ADSS1: variants seen among roughly 807,000 people sequenced by gnomAD.
The protein encoded by ADSS1 is adenylosuccinate synthetase isozyme 1.
In ADSS1, 57 loss-of-function variants were observed where a neutral mutation model predicts 59.1. That is an observed-to-expected ratio of 0.97 (90% CI 0.78 to 1.20). The LOEUF is 1.20. Among genes scored for constraint, ADSS1 ranks in the 50% most tolerant of loss-of-function variants. The pLI, the probability that ADSS1 is intolerant of heterozygous loss-of-function variation, is 0.00. For synonymous variants in ADSS1, 247 were observed against 249.4 expected (o/e 0.99, Z 0.09); for missense variants, 603 against 610.3 (o/e 0.99, Z 0.13).
In ADSS1 at chr14:104,746,216, C is replaced by T. The variant is rs1352909978; in HGVS notation, c.1172-20C>T. The stretch of plus-strand genomic sequence containing the variant: ...TAGGAGGTCTGTGGGCCCCACTCAT[C>T]TCCTGTGTGCTTCCCCCAGCTAACC... On this transcript the variant is annotated intron_variant, in intron 11 of 12. Transcript: ENST00000330877. 1.9e-6 allele frequency: 3 copies of T among 1,594,026 alleles called. No individual in the cohort carries two copies. Among genetic ancestry groups the T allele is most frequent in the South Asian group, 1.1e-5 (1 of 89,906 alleles).
At chr14:104,727,115 C>G (rs1385287115) in intron 1 of ADSS1, among the ~76,000 whole-genome samples, 2 of 152,176 alleles carry the variant, frequency 1.3e-5, no homozygotes, top group African/African-American at 2.4e-5. Context: ...CAGAGGTGAT[C>G]TGGGGCTGCC....
At chr14:104,727,851 G>A (rs1311077094) in intron 1 of ADSS1, among the ~76,000 whole-genome samples, 1 of 152,216 alleles carries the variant, frequency 6.6e-6, no homozygotes, top group Non-Finnish European at 1.5e-5. Context: ...CCCTGGTCAG[G>A]GTTTAGAATC....
In ADSS1 at chr14:104,739,826, C is replaced by T; in HGVS notation, c.476+10C>T. 6.2e-7 allele frequency: 1 copy of T among 1,613,600 alleles called. No homozygotes were observed. Among genetic ancestry groups the T allele is most frequent in the Non-Finnish European group, 8.5e-7 (1 of 1,179,906 alleles). On this transcript the variant is annotated intron_variant, in intron 5 of 12. Transcript: ENST00000330877. ...CACAAGAGGGGAAGAAGTAAGTCTG[C>T]CGGGACACTCTCACCCTCGGGGAGT...
At chr14:104,746,596 T>A (rs1295215114) in intron 12 of ADSS1, among the ~76,000 whole-genome samples, 2 of 152,198 alleles carry the variant, frequency 1.3e-5, no homozygotes, top group African/African-American at 4.8e-5. Context: ...CCCCTGCCTC[T>A]CCGCATCCAG....
chr14:104,742,952 C>G, intron 9 of ADSS1, 115 bp from the exon 10 acceptor site: 1 of 1,481,414 alleles, frequency 6.8e-7, no homozygotes, highest in South Asian at 1.2e-5. Context: ...TCGGTGGAGG[C>G]GGGGCACCCT....
At chr14:104,727,007 C>G (rs193246726) in intron 1 of ADSS1, among the ~76,000 whole-genome samples, 76 of 152,324 alleles carry the variant, frequency 5.0e-4, no homozygotes, top group African/African-American at 1.4e-3. Flanking sequence ...CCAGCAGAGC[C>G]ATCACTTCGA....
At chr14:104,731,285 G>A (rs1264063814) in intron 1 of ADSS1, among the ~76,000 whole-genome samples, 3 of 152,198 alleles carry the variant, frequency 2.0e-5, no homozygotes, top group Non-Finnish European at 2.9e-5. Flanking sequence ...GTGGCATGAT[G>A]TGGCCCTGCA....
In ADSS1 at chr14:104,747,191, T is replaced by C. The variant is rs766095519; in HGVS notation, c.*188T>C. The C allele has an allele frequency of 2.9e-5, 15 of 522,348 alleles. No homozygotes were observed. The highest frequency in any genetic ancestry group is 2.1e-4 in the African/African-American group (11 of 52,440). The allele number at this position is 522,348 out of a possible 1,614,324, so 32.4% of individuals were successfully genotyped here. On this transcript the variant is annotated 3_prime_UTR_variant, in exon 13 of 13. Coordinates refer to ENST00000330877, the MANE Select transcript of ADSS1 (RefSeq NM_152328.5). ...CATTGGAAAGCCAGCCTTGTGTATA[T>C]TTTTAAAAATTATATTCAAAATGAG...
Position 104,724,282 on chromosome 14 carries a change from C to T in ADSS1, c.12C>T (p.Thr4=), listed in dbSNP as rs745830815. The change falls in exon 1 of 13, where the codon ACC becomes ACT. Residue 4 remains threonine (T), a synonymous_variant. Transcript: ENST00000330877. MSG[T]RASNDRPPGA... is the part of the protein sequence containing the mutation. ...AGAGCCAAGCCAGCATGTCGGGGAC[C>T]CGAGCCTCCAACGACCGGCCCCCCG... 1.6e-6 allele frequency: 2 copies of T among 1,230,600 alleles called. No individual in the cohort carries two copies. The highest frequency in any genetic ancestry group is 4.1e-5 in the South Asian group (1 of 24,486). The allele number at this position is 1,230,600 out of a possible 1,614,324, so 76.2% of individuals were successfully genotyped here. A position where few individuals can be genotyped will look rare whatever the true frequency, so the allele number is the denominator to read the frequency against.
chr14:104,734,145 G>A (rs1891032222), intron 1 of ADSS1, among the ~76,000 whole-genome samples: 1 of 152,222 alleles, frequency 6.6e-6, no homozygotes, highest in Admixed American at 6.5e-5. Context: ...GGGGCCTCCT[G>A]CCTGCACGTA....
intron 12 of ADSS1, 118 bp from the exon 13 acceptor site, chr14:104,746,833 G>A (rs1426895228): frequency 1.9e-6 from 2 of 1,047,006 alleles, no homozygotes; most frequent in Non-Finnish European, 2.9e-6. Flanking sequence ...CCTCCATTTG[G>A]AGAGAAAATA....
intron 1 of ADSS1, among the ~76,000 whole-genome samples, chr14:104,728,743 C>T (rs1474307646): frequency 1.3e-5 from 2 of 152,220 alleles, no homozygotes; most frequent in Non-Finnish European, 2.9e-5. Flanking sequence ...TGCCACTCTG[C>T]TGCCTTCACT....
At chr14:104,743,309 C>A in intron 10 of ADSS1, 118 bp downstream of exon 10, 1 of 1,456,276 alleles carries the variant, frequency 6.9e-7, no homozygotes, top group Non-Finnish European at 9.4e-7. Context: ...ACAAGGTTTC[C>A]ACTGATCTCG....
intron 1 of ADSS1, 37 bp downstream of exon 1, chr14:104,724,499 C>T: frequency 8.9e-7 from 1 of 1,119,316 alleles, no homozygotes; most frequent in African/African-American, 1.6e-5. Context: ...CCCCACCGCC[C>T]AGCGAGCCCC....
chr14:104,741,426 G>A (rs563791945), intron 8 of ADSS1, among the ~76,000 whole-genome samples, 183 bp downstream of exon 8: 2 of 152,310 alleles, frequency 1.3e-5, no homozygotes, highest in African/African-American at 4.8e-5. Context: ...AGCAAGGGAG[G>A]GGAGAGGAGA....
At chr14:104,735,368 G>A (rs938767711) in intron 2 of ADSS1, among the ~76,000 whole-genome samples, 1 of 151,924 alleles carries the variant, frequency 6.6e-6, no homozygotes, top group Non-Finnish European at 1.5e-5. Flanking sequence ...CACATCCACC[G>A]CGCAGGAGCG....
chr14:104,731,795 C>G (rs1890941564), intron 1 of ADSS1, among the ~76,000 whole-genome samples: 1 of 152,184 alleles, frequency 6.6e-6, no homozygotes, highest in Non-Finnish European at 1.5e-5. Flanking sequence ...TGCGGCTGCC[C>G]TGGGGGCTCG....
Position 104,743,129 on chromosome 14 carries a change from G to A in ADSS1, c.1011G>A (p.Arg337=). The change falls in exon 10 of 13, where the codon AGG becomes AGA. Residue 337 remains arginine, a synonymous_variant. Transcript: ENST00000330877. The part of the protein sequence containing the change: ...HEWGVTTGRK[R]RCGWLDLMIL... ...GGGGAGTGACCACAGGCAGGAAGAG[G>A]CGCTGCGGCTGGCTCGACCTGATGA... 5 of 1,613,032 alleles carry A rather than the reference G, an allele frequency of 3.1e-6. No homozygotes were observed. Among genetic ancestry groups the A allele is most frequent in the African/African-American group, 1.3e-5 (1 of 75,062 alleles).
At position 104,743,111 on chromosome 14, in the gene ADSS1, G is replaced by T; in HGVS notation, c.993G>T (p.Val331=). ...LLQTRGHEWG[V]TTGRKRRCGW... is the part of the protein sequence containing the mutation. ...AGACCCGCGGCCACGAGTGGGGAGTGACCACAGGCAGGAAGAGGCGCTGCG... is the reference window on the plus strand; with the variant it reads ...AGACCCGCGGCCACGAGTGGGGAGTTACCACAGGCAGGAAGAGGCGCTGCG... The change falls in exon 10 of 13, where the codon GTG becomes GTT. Residue 331 remains valine (V), a synonymous_variant. Coordinates refer to ENST00000330877, the MANE Select transcript of ADSS1 (RefSeq NM_152328.5). The T allele has an allele frequency of 6.2e-7, 1 of 1,613,136 alleles. No homozygotes were observed. The highest frequency in any genetic ancestry group is 1.1e-5 in the South Asian group (1 of 91,054).
Sources: gnomAD v4.1 joint callset for allele counts (sites outside exome capture counted in the v4.1 genomes callset) on GRCh38, gnomAD v4.1.1 for gene constraint, MANE v1.5 for transcripts, NCBI Gene and HGNC (gene_info 2026-07-23, HGNC 2026-07-21) for gene names.